ARRB1: variants seen among roughly 807,000 people sequenced by gnomAD.
ARRB1 encodes the protein arrestin beta 1.
A neutral mutation model predicts 56.8 loss-of-function variants in ARRB1; 21 were observed. That is an observed-to-expected ratio of 0.37 (90% CI 0.26 to 0.53). The LOEUF (loss-of-function observed/expected upper bound fraction) is 0.53, where lower values mean the gene tolerates loss of function less well. Ranked by LOEUF, ARRB1 falls within the 20% of genes least tolerant of loss-of-function variation. ARRB1 has a pLI of 0.88. For missense variants in ARRB1, 424 were observed against 553.7 expected, an observed-to-expected ratio of 0.77 and a Z score of 2.35; for synonymous variants, 210 against 218.6, an observed-to-expected ratio of 0.96 and a Z score of 0.35.
intron 5 of ARRB1, among the ~76,000 whole-genome samples, chr11:75,282,376 G>A (rs1251225371): frequency 6.6e-6 from 1 of 152,218 alleles, no homozygotes; most frequent in African/African-American, 2.4e-5. Flanking sequence ...TTAAGGCCTT[G>A]AGATGGGGAC....
intron 1 of ARRB1, among the ~76,000 whole-genome samples, chr11:75,336,591 T>C (rs1947606411): frequency 6.6e-6 from 1 of 152,172 alleles, no homozygotes; most frequent in Non-Finnish European, 1.5e-5. Flanking sequence ...AGGAGTGAGC[T>C]GAGGGGTTTC....
At chr11:75,302,087 G>A (rs1273965066) in intron 1 of ARRB1, among the ~76,000 whole-genome samples, 1 of 152,150 alleles carries the variant, frequency 6.6e-6, no homozygotes, top group Non-Finnish European at 1.5e-5. Flanking sequence ...GATGGGGACC[G>A]CCGGCTTCTG....
At chr11:75,304,151 T>G (rs2140468416) in intron 1 of ARRB1, among the ~76,000 whole-genome samples, 1 of 152,366 alleles carries the variant, frequency 6.6e-6, no homozygotes, top group East Asian at 1.9e-4. Flanking sequence ...AGGGGGTTTT[T>G]GTTTGGTTTG....
intron 1 of ARRB1, among the ~76,000 whole-genome samples, chr11:75,326,696 C>T (rs1047328293): frequency 6.6e-6 from 1 of 150,896 alleles, no homozygotes; most frequent in South Asian, 2.1e-4. Context: ...TCCCCTCTTA[C>T]TACACACTGC....
In ARRB1 at chr11:75,262,807, G is replaced by A. The variant is rs1945826731; in HGVS notation, c.*3356C>T. Among the ~76,000 whole-genome samples, 1 of 152,192 alleles carries A rather than the reference G, an allele frequency of 6.6e-6. No homozygotes were observed. Reference sequence around the variant, plus strand: ...CTTCCAGGACAGAGTTCCTTTCACTGCACCATGTAGGAACCAGCTTGTCAG... The same window carrying A: ...CTTCCAGGACAGAGTTCCTTTCACTACACCATGTAGGAACCAGCTTGTCAG... On this transcript the variant is annotated 3_prime_UTR_variant, in exon 16 of 16. Coordinates refer to ENST00000420843, the MANE Select transcript of ARRB1 (RefSeq NM_004041.5).
intron 7 of ARRB1, 190 bp downstream of exon 7, chr11:75,280,885 A>C (rs577374300): frequency 1.6e-6 from 1 of 630,726 alleles, no homozygotes; most frequent in South Asian, 1.9e-5. Context: ...GCCTGAACCC[A>C]GGCAGTCGAA....
intron 1 of ARRB1, among the ~76,000 whole-genome samples, chr11:75,326,557 G>GCC (rs1947436815): frequency 6.6e-6 from 1 of 151,924 alleles, no homozygotes; most frequent in East Asian, 1.9e-4. Flanking sequence ...GGCAGTGTGG[G>GCC]AAGTCTGGCA....
intron 1 of ARRB1, among the ~76,000 whole-genome samples, chr11:75,340,158 T>G (rs1452793966): frequency 6.6e-6 from 1 of 152,266 alleles, no homozygotes. Flanking sequence ...TTTGTTCCTC[T>G]GGCTGCAGAG....
At chr11:75,293,481 G>A (rs896988845) in intron 1 of ARRB1, among the ~76,000 whole-genome samples, 9 of 152,236 alleles carry the variant, frequency 5.9e-5, no homozygotes, top group East Asian at 3.9e-4. Context: ...CCTATGCAGC[G>A]TCACACAGAT....
chr11:75,280,913 G>T, intron 7 of ARRB1, 162 bp downstream of exon 7: 1 of 769,980 alleles, frequency 1.3e-6, no homozygotes, highest in Non-Finnish European at 2.1e-6. Flanking sequence ...CCCCAAGGAA[G>T]CCCTCCGTGA....
intron 1 of ARRB1, chr11:75,306,760 T>A (rs1947042203): frequency 9.9e-7 from 1 of 1,008,402 alleles, no homozygotes; most frequent in Non-Finnish European, 1.3e-6. Context: ...GCGTTCCTGA[T>A]ACGCGTCCTG....
chr11:75,330,292 C>CT (rs144522068), intron 1 of ARRB1, among the ~76,000 whole-genome samples: 91,277 of 151,464 alleles, frequency 0.6, 27,962 homozygotes, highest in African/African-American at 0.72. Flanking sequence ...TGAAAGAAAG[C>CT]ATAAGCACAG....
intron 1 of ARRB1, among the ~76,000 whole-genome samples, chr11:75,301,360 C>T (rs1324896475): frequency 1.3e-5 from 2 of 152,158 alleles, no homozygotes; most frequent in African/African-American, 2.4e-5. Flanking sequence ...GAGAATGGTC[C>T]GTTTGCTCCA....
Position 75,284,227 on chromosome 11 carries a change from C to G in ARRB1, c.157+8G>C. ...CTTGACAGGCTGGGGATGGGGGCCACAGCCTACCTCTCCGCTCTTTGAGAT... is the reference window on the plus strand; with the variant it reads ...CTTGACAGGCTGGGGATGGGGGCCAGAGCCTACCTCTCCGCTCTTTGAGAT... On this transcript the variant is annotated splice_region_variant and intron_variant, in intron 4 of 15. Coordinates refer to ENST00000420843, the MANE Select transcript of ARRB1 (RefSeq NM_004041.5). 1 of 1,606,270 alleles carries G rather than the reference C, an allele frequency of 6.2e-7. No homozygotes were observed. The highest frequency in any genetic ancestry group is 8.5e-7 in the Non-Finnish European group (1 of 1,174,890).
intron 10 of ARRB1, among the ~76,000 whole-genome samples, chr11:75,275,645 G>A (rs1443382249): frequency 1.3e-5 from 2 of 152,194 alleles, no homozygotes; most frequent in East Asian, 3.8e-4. Context: ...TGAGAGAGCT[G>A]TCATGCAGCA....
At chr11:75,309,159 G>C (rs1264826059) in intron 1 of ARRB1, among the ~76,000 whole-genome samples, 1 of 152,168 alleles carries the variant, frequency 6.6e-6, no homozygotes, top group Admixed American at 6.5e-5. Flanking sequence ...GAGGCCAGAG[G>C]CCCACAAATG....
At chr11:75,272,680 G>C (rs1233357492) in intron 12 of ARRB1, 1 of 564,132 alleles carries the variant, frequency 1.8e-6, no homozygotes, top group Non-Finnish European at 3.2e-6. Context: ...ATGGGTGGGG[G>C]TAAGAGAGGG....
chr11:75,328,072 CT>C (rs1259229574), intron 1 of ARRB1, among the ~76,000 whole-genome samples: 1 of 152,232 alleles, frequency 6.6e-6, no homozygotes, highest in Non-Finnish European at 1.5e-5. Flanking sequence ...AGTAAAACCC[CT>C]TACTCACTAT....
At chr11:75,316,076 C>T (rs1947258926) in intron 1 of ARRB1, among the ~76,000 whole-genome samples, 1 of 152,152 alleles carries the variant, frequency 6.6e-6, no homozygotes, top group South Asian at 2.1e-4. Flanking sequence ...GCCTGTAATC[C>T]CAGCACTTTA....
Sources: gnomAD v4.1 joint callset for allele counts (sites outside exome capture counted in the v4.1 genomes callset) on GRCh38, gnomAD v4.1.1 for gene constraint, MANE v1.5 for transcripts, NCBI Gene and HGNC (gene_info 2026-07-23, HGNC 2026-07-21) for gene names.